The following POLM variants were observed in gnomAD, a reference collection of about 807,000 sequenced individuals.
The protein encoded by POLM is DNA-directed DNA/RNA polymerase mu.
POLM carries 52 observed loss-of-function variants against 56.7 expected under a neutral mutation model. The ratio of observed to expected loss-of-function variants is 0.92; its 90% CI spans 0.73 to 1.15. The LOEUF is 1.15. Among genes scored for constraint, POLM ranks in the 50% most tolerant of loss-of-function variants. The pLI is 0.00. For missense variants in POLM, 660 were observed against 663.6 expected (o/e 0.99, Z 0.06); for synonymous variants, 273 against 274.3 (o/e 1.00, Z 0.05).
rs371147828 is a variant in POLM at position 44,080,713 on chromosome 7, T to A, written c.372+20A>T. The A allele has an allele frequency of 6.2e-7, 1 of 1,612,144 alleles. No homozygotes were observed. The highest frequency in any genetic ancestry group is 1.7e-5 in the Admixed American group (1 of 59,852). On this transcript the variant is annotated intron_variant, in intron 2 of 10. Transcript: ENST00000242248. ...GGGGCTTTCACTGTAGCCCCCACTT[T>A]AGTCTTCCACCCAGCTCACCTCCAG...
chr7:44,082,366 T>C lies in POLM; in HGVS notation c.73A>G (p.Thr25Ala). The change falls in exon 1 of 11, where the codon ACG becomes GCG. Residue 25 changes from threonine to alanine, a missense_variant. Thr to Ala is a moderately conservative substitution (Grantham distance 58). Coordinates refer to ENST00000242248, the MANE Select transcript of POLM (RefSeq NM_013284.4). ...GDAASSTPPS[T>A]RFPGVAIYLV... ...TAGATGGCGACTCCCGGGAAGCGCG[T>C]CGAGGGCGGCGTGGAGGAAGCGGCA... The C allele has an allele frequency of 6.5e-7, 1 of 1,541,924 alleles. No individual in the cohort carries two copies. Among genetic ancestry groups the C allele is most frequent in the East Asian group, 2.6e-5 (1 of 38,224 alleles).
In POLM at chr7:44,076,622, G is replaced by A. The variant is rs756540735; in HGVS notation, c.722C>T (p.Thr241Ile). The A allele has an allele frequency of 3.7e-6, 6 of 1,613,832 alleles. No homozygotes were observed. In the Admixed American group the frequency reaches 1.0e-4, roughly 27 times the overall value. The change falls in exon 6 of 11, where the codon ACC (threonine) becomes ATC (isoleucine). Residue 241 changes from threonine to isoleucine, a missense_variant. By Grantham distance (89) the Thr-to-Ile change is moderately conservative (BLOSUM62 -1). Transcript: ENST00000242248. ...SERYQTMKLF[T>I]QIFGVGVKTA... ...CTTCACACCGACCCCGAAGATCTGG[G>A]TGAAGAGCTGTGGGGAAGGAGCGTA...
intron 2 of POLM, 47 bp downstream of exon 2, chr7:44,080,686 C>T (rs1421027685): frequency 6.4e-7 from 1 of 1,569,368 alleles, no homozygotes; most frequent in South Asian, 1.1e-5. Context: ...ATGGCCTACA[C>T]TGGGGCTTTC....
At chr7:44,078,912 G>A in intron 4 of POLM, 101 bp from the exon 5 acceptor site, 2 of 902,788 alleles carry the variant, frequency 2.2e-6, no homozygotes, top group Non-Finnish European at 3.4e-6. Context: ...GACTGAGGCA[G>A]TCCCCTCCAA....
chr7:44,079,792 C>T (rs752552825), intron 3 of POLM, 51 bp from the exon 4 acceptor site: 1 of 1,609,942 alleles, frequency 6.2e-7, no homozygotes, highest in Non-Finnish European at 8.5e-7. Context: ...TCCAATCCCC[C>T]ACCTACCACC....
intron 5 of POLM, chr7:44,078,408 G>A (rs1210534967): frequency 6.9e-5 from 18 of 259,346 alleles, no homozygotes; most frequent in East Asian, 6.2e-4. Flanking sequence ...CAAGGCTGCC[G>A]TGAGCTGTGA....
At chr7:44,078,616 G>T in intron 5 of POLM, 124 bp downstream of exon 5, 1 of 801,472 alleles carries the variant, frequency 1.2e-6, no homozygotes, top group South Asian at 1.5e-5. Context: ...TCCTCGGCAA[G>T]ACCTTCTCTG....
chr7:44,076,502 G>A lies in POLM; in HGVS notation c.835+7C>T, dbSNP rs373342624. On this transcript the variant is annotated splice_region_variant and intron_variant, in intron 6 of 10. Coordinates refer to ENST00000242248, the MANE Select transcript of POLM (RefSeq NM_013284.4). The stretch of plus-strand genomic sequence containing the variant: ...AGCCCAGGGCCCAGCCTCTCTGGAG[G>A]GCTCACCCGCTTTCTGCTGTTGGGT... 6.2e-6 allele frequency: 10 copies of A among 1,613,752 alleles called. No individual in the cohort carries two copies. In the African/African-American group the frequency reaches 1.2e-4, roughly 19 times the overall value.
In POLM at chr7:44,074,530, C is replaced by A; in HGVS notation, c.836G>T (p.Gly279Val). 1 of 1,567,094 alleles carries A rather than the reference C, an allele frequency of 6.4e-7. No individual in the cohort carries two copies. The highest frequency in any genetic ancestry group is 8.7e-7 in the Non-Finnish European group (1 of 1,153,972). The change falls in exon 7 of 11, where the codon GGG becomes GTG. Residue 279 changes from glycine (G) to valine (V), a missense_variant and splice_region_variant. Coordinates refer to ENST00000242248, the MANE Select transcript of POLM (RefSeq NM_013284.4). Reference sequence around the variant, plus strand: ...GCTCAGGTCCTGGTGGTGCTGGAGCCCTGGGGGCAACACCGGCCCTCCTGA... The same window carrying A: ...GCTCAGGTCCTGGTGGTGCTGGAGCACTGGGGGCAACACCGGCCCTCCTGA... The part of the protein sequence containing the change: ...PQKLTQQQKA[G>V]LQHHQDLSTP...
intron 4 of POLM, 38 bp downstream of exon 4, chr7:44,079,529 CCCCA>C: frequency 9.0e-5 from 125 of 1,390,368 alleles, no homozygotes; most frequent in Middle Eastern, 4.2e-4. Flanking sequence ...CCCAAGGCCT[CCCCA>C]CCCACCCACT....
At chr7:44,078,611 G>T in intron 5 of POLM, 129 bp downstream of exon 5, 1 of 762,812 alleles carries the variant, frequency 1.3e-6, no homozygotes, top group Non-Finnish European at 2.2e-6. Flanking sequence ...CCACTTCCTC[G>T]GCAAGACCTT....
At position 44,074,173 on chromosome 7, in the gene POLM, C is replaced by CTCCTGACCCTCCTTG; in HGVS notation, c.1014_1028dup (p.Gln342_Glu343insAspLysGluGlyGln). 6.2e-7 allele frequency: 1 copy of CTCCTGACCCTCCTTG among 1,602,064 alleles called. No homozygotes were observed. The highest frequency in any genetic ancestry group is 1.1e-5 in the South Asian group (1 of 89,498). ...ACATCACTCTAGGCAGCAGCCCCGC[C>CTCCTGACCCTCCTTG]TCCTGACCCTCCTTGGGGTGGGTGA... On this transcript the variant is annotated inframe_insertion, in exon 8 of 11. Transcript: ENST00000242248.
chr7:44,073,360 C>A lies in POLM; in HGVS notation c.1416G>T (p.Ala472=). The change falls in exon 11 of 11, where the codon GCG becomes GCT. Residue 472 remains alanine, a synonymous_variant. Coordinates refer to ENST00000242248, the MANE Select transcript of POLM (RefSeq NM_013284.4). The part of the protein sequence containing the change: ...FDPEQKTFFQ[A]ASEEDIFRHL... Reference sequence around the variant, plus strand: ...GTCTGAAGATGTCTTCCTCTGAAGCCGCTTGGAAAAATGTCTTCTGCAACA... The same window carrying A: ...GTCTGAAGATGTCTTCCTCTGAAGCAGCTTGGAAAAATGTCTTCTGCAACA... 1 of 1,613,852 alleles carries A rather than the reference C, an allele frequency of 6.2e-7. No homozygotes were observed. The highest frequency in any genetic ancestry group is 1.1e-5 in the South Asian group (1 of 91,072).
In POLM at chr7:44,074,426, T is replaced by C. The variant is rs1263551385; in HGVS notation, c.940A>G (p.Thr314Ala). The part of the protein sequence containing the change: ...EAVGQALPGA[T>A]VTLTGGFRRG... ...CGGAAGCCGCCGGTCAGCGTGACGG[T>C]GGCCCCAGGCAGGGCCTGCCCCACA... The change falls in exon 7 of 11, where the codon ACC (threonine) becomes GCC (alanine). Residue 314 changes from threonine to alanine, a missense_variant. By Grantham distance (58) the Thr-to-Ala change is moderately conservative (BLOSUM62 0). Coordinates refer to ENST00000242248, the MANE Select transcript of POLM (RefSeq NM_013284.4). 1.3e-6 allele frequency: 2 copies of C among 1,563,124 alleles called. No homozygotes were observed. Among genetic ancestry groups the C allele is most frequent in the Non-Finnish European group, 1.7e-6 (2 of 1,153,776 alleles).
rs2096183433 is a variant in POLM at position 44,076,416 on chromosome 7, C to T, written c.835+93G>A. The T allele has an allele frequency of 1.2e-5, 19 of 1,536,332 alleles. No individual in the cohort carries two copies. In the South Asian group the frequency reaches 2.0e-4, roughly 16 times the overall value. Reference sequence around the variant, plus strand: ...CAAAGCTGCCACCAAACCCTCTGCACCAGACTGCTCCCTTCCCTCTAGGGA... The same window carrying T: ...CAAAGCTGCCACCAAACCCTCTGCATCAGACTGCTCCCTTCCCTCTAGGGA... On this transcript the variant is annotated intron_variant, in intron 6 of 10. Coordinates refer to ENST00000242248, the MANE Select transcript of POLM (RefSeq NM_013284.4).
At position 44,080,851 on chromosome 7, in the gene POLM, C is replaced by A. The variant is rs368091725; in HGVS notation, c.254G>T (p.Arg85Leu). 12 of 1,609,782 alleles carry A rather than the reference C, an allele frequency of 7.5e-6. No homozygotes were observed. Among genetic ancestry groups the A allele is most frequent in the Non-Finnish European group, 9.3e-6 (11 of 1,178,116 alleles). Residue 85 changes from arginine to leucine, a missense_variant, in exon 2 of 11, where the codon CGC becomes CTC. Physicochemically the swap from Arg to Leu is moderately radical, Grantham distance 102. Transcript: ENST00000242248. ...ACCCGGGGGAGCAGCTGCCATCCTG[C>A]GCTCCTGCCAGCTGACGGCCTCCTC... ...SAEEAVSWQE[R>L]RMAAAPPGCT...
Position 44,073,846 on chromosome 7 carries a change from C to T in POLM, c.1251G>A (p.Val417=), listed in dbSNP as rs2096175501. The change falls in exon 9 of 11, where the codon GTG becomes GTA. Residue 417 remains valine (V), a synonymous_variant. Coordinates refer to ENST00000242248, the MANE Select transcript of POLM (RefSeq NM_013284.4). ...GGCTGACGGGTGCAACTACCAAGTC[C>T]ACTCTCACGGCCTTCCAGGATGGGC... ...RPCPSWKAVR[V]DLVVAPVSQF... 1.3e-5 allele frequency: 21 copies of T among 1,614,262 alleles called. No individual in the cohort carries two copies. The highest frequency in any genetic ancestry group is 1.8e-5 in the Non-Finnish European group (21 of 1,180,048).
Position 44,080,816 on chromosome 7 carries a change from G to T in POLM, c.289C>A (p.Pro97Thr), listed in dbSNP as rs768322694. ...AACCAGCTTATGTCCAGCAGAGCTG[G>T]GGGGGTGCAACCCGGGGGAGCAGCT... ...MAAAPPGCTP[P>T]ALLDISWLTE... The change falls in exon 2 of 11, where the codon CCA becomes ACA. Residue 97 changes from proline (P) to threonine (T), a missense_variant. By Grantham distance (38) the Pro-to-Thr change is conservative. Coordinates refer to ENST00000242248, the MANE Select transcript of POLM (RefSeq NM_013284.4). The T allele has an allele frequency of 1.4e-5, 23 of 1,613,748 alleles. No homozygotes were observed. The highest frequency in any genetic ancestry group is 1.9e-5 in the Non-Finnish European group (23 of 1,179,860).
At position 44,079,843 on chromosome 7, in the gene POLM, C is replaced by A; in HGVS notation, c.471+18G>T. ...CCCCAACCCCCAGGGCTGGCCAAGG[C>A]TCATAGAAGCGGCTTACGGAGAGGC... is the stretch of plus-strand genomic sequence containing the variant. On this transcript the variant is annotated intron_variant, in intron 3 of 10. Transcript: ENST00000242248. 1 of 1,613,718 alleles carries A rather than the reference C, an allele frequency of 6.2e-7. No homozygotes were observed. Among genetic ancestry groups the A allele is most frequent in the Admixed American group, 1.7e-5 (1 of 60,022 alleles).
Sources: allele counts gnomAD v4.1 joint callset, GRCh38; gene constraint gnomAD v4.1.1; transcripts MANE v1.5; gene names NCBI Gene and HGNC (gene_info 2026-07-23, HGNC 2026-07-21).